The following TUB variants were observed in gnomAD, a reference collection of about 807,000 sequenced individuals.
TUB encodes the protein TUB bipartite transcription factor, also known as tubby protein homolog.
Under a neutral mutation model 59.7 loss-of-function variants are expected in TUB, and 33 were observed. The observed-to-expected ratio is 0.55, with a 90% CI of 0.42 to 0.74. The LOEUF (loss-of-function observed/expected upper bound fraction) is 0.74, where lower values mean the gene tolerates loss of function less well. TUB is among the 30% of genes least tolerant of loss of function. The pLI is 0.00. For missense variants in TUB, 659 were observed against 672.0 expected (o/e 0.98, Z 0.21); for synonymous variants, 293 against 256.4 (o/e 1.14, Z -1.36).
intron 10 of TUB, 103 bp from the exon 11 acceptor site, chr11:8,100,723 G>A (rs1022653186): frequency 3.8e-6 from 6 of 1,558,916 alleles, no homozygotes; most frequent in South Asian, 1.1e-5. Flanking sequence ...AGCCCTGGAG[G>A]TCTAGGGAAA....
At chr11:8,045,068 T>G (rs1444320935) in intron 2 of TUB, among the ~76,000 whole-genome samples, 1 of 151,118 alleles carries the variant, frequency 6.6e-6, no homozygotes, top group African/African-American at 2.5e-5. Flanking sequence ...CATTGGTGAG[T>G]GAACTCAATC....
chr11:8,082,276 C>T lies in TUB; in HGVS notation c.38+728C>T, dbSNP rs1943584191. On this transcript the variant is annotated intron_variant, in intron 1 of 11. Coordinates refer to ENST00000299506, the MANE Select transcript of TUB (RefSeq NM_177972.3). Reference sequence around the variant, plus strand: ...CACATGCAGAAAGGCACTCAAGAATCCAGGCACACTCAGGGAAGCCCCCCA... The same window carrying T: ...CACATGCAGAAAGGCACTCAAGAATTCAGGCACACTCAGGGAAGCCCCCCA... 2.6e-5 allele frequency among the ~76,000 whole-genome samples: 4 copies of T among 152,342 alleles called. 1 individual carries two copies. In the South Asian group the frequency reaches 8.3e-4, roughly 32 times the overall value.
chr11:8,100,559 C>A lies in TUB; in HGVS notation c.1173C>A (p.Gly391=). Residue 391 remains glycine (G), a synonymous_variant, in exon 10 of 12, where the codon GGC becomes GGA. Coordinates refer to ENST00000299506, the MANE Select transcript of TUB (RefSeq NM_177972.3). Reference sequence around the variant, plus strand: ...GGAAGATGAGCGTGATTGTCCCAGGCATGAACATGGTTCATGAGAGAGTCT... The same window carrying A: ...GGAAGATGAGCGTGATTGTCCCAGGAATGAACATGGTTCATGAGAGAGTCT... ...GPRKMSVIVP[G]MNMVHERVSI... is the part of the protein sequence containing the mutation. 1 of 1,614,178 alleles carries A rather than the reference C, an allele frequency of 6.2e-7. No homozygotes were observed. The highest frequency in any genetic ancestry group is 8.5e-7 in the Non-Finnish European group (1 of 1,180,032).
intron 1 of TUB, among the ~76,000 whole-genome samples, chr11:8,033,426 A>G (rs907225298): frequency 2.0e-5 from 3 of 152,210 alleles, no homozygotes; most frequent in Admixed American, 1.3e-4. Context: ...GCCCAGTTTC[A>G]GCCTGAAGAT....
chr11:8,084,786 T>C lies in TUB; in HGVS notation c.38+3238T>C, dbSNP rs143446876. Among the ~76,000 whole-genome samples the C allele has an allele frequency of 2.0e-5, 3 of 152,324 alleles. No individual in the cohort carries two copies. In the East Asian group the frequency reaches 5.8e-4, roughly 29 times the overall value. ...CTGGGTTCTAAGCACACCTGAGGGA[T>C]ACAGTACTCTCACATCACCATGGGA... On this transcript the variant is annotated intron_variant, in intron 1 of 11. Transcript: ENST00000299506.
intron 1 of TUB, among the ~76,000 whole-genome samples, chr11:8,026,059 C>T (rs1942496154): frequency 1.3e-5 from 2 of 152,196 alleles, no homozygotes; most frequent in African/African-American, 4.8e-5. Context: ...GCCTTGATGA[C>T]TAATGATGTC....
intron 1 of TUB, among the ~76,000 whole-genome samples, chr11:8,088,309 A>C (rs965772497): frequency 6.6e-6 from 1 of 152,122 alleles, no homozygotes; most frequent in African/African-American, 2.4e-5. Context: ...TGGAGGTGCA[A>C]GTAGTTGAAG....
intron 1 of TUB, among the ~76,000 whole-genome samples, chr11:8,028,500 G>C (rs1373442288): frequency 1.3e-5 from 2 of 152,082 alleles, no homozygotes; most frequent in Non-Finnish European, 2.9e-5. Flanking sequence ...AGAATCCATT[G>C]CCAAATCCAG....
At chr11:8,036,829 G>A (rs1002130991), upstream of TUB, among the ~76,000 whole-genome samples, 1 of 152,170 alleles carries the variant, frequency 6.6e-6, no homozygotes, top group African/African-American at 2.4e-5. Context: ...CGGGCCCCAT[G>A]GTCCAGCCTT....
intron 11 of TUB, 147 bp downstream of exon 11, chr11:8,101,144 C>T (rs1200009308): frequency 4.9e-6 from 5 of 1,015,282 alleles, no homozygotes; most frequent in African/African-American, 1.6e-5. Context: ...AACTTTCTAA[C>T]CCTAATGACT....
At chr11:8,065,206 T>C (rs950610181) in intron 2 of TUB, among the ~76,000 whole-genome samples, 5 of 152,190 alleles carry the variant, frequency 3.3e-5, no homozygotes, top group African/African-American at 1.2e-4. Context: ...TGCATGTTGC[T>C]GGGGTAGCAG....
intron 1 of TUB, among the ~76,000 whole-genome samples, chr11:8,019,792 G>A (rs1391444626): frequency 1.3e-5 from 2 of 151,846 alleles, no homozygotes; most frequent in Admixed American, 1.3e-4. Context: ...GCGCCCCGCC[G>A]GCCCTCCGCA....
chr11:8,020,405 G>A (rs1053344253), intron 1 of TUB, among the ~76,000 whole-genome samples: 14 of 152,224 alleles, frequency 9.2e-5, no homozygotes, highest in Non-Finnish European at 1.5e-4. Context: ...CCTAGATTCA[G>A]AGGAACAGGT....
At chr11:8,095,061 T>G (rs2133860088) in intron 4 of TUB, among the ~76,000 whole-genome samples, 1 of 152,320 alleles carries the variant, frequency 6.6e-6, no homozygotes, top group Non-Finnish European at 1.5e-5. Context: ...ATGATGTATG[T>G]GAGTTACTGC....
At chr11:8,078,442 T>C (rs1033470629), upstream of TUB, among the ~76,000 whole-genome samples, 6 of 152,096 alleles carry the variant, frequency 3.9e-5, no homozygotes, top group African/African-American at 1.4e-4. Flanking sequence ...TATAGTGCAG[T>C]TGTAAAAATA....
intron 1 of TUB, chr11:8,019,422 G>A: frequency 1.6e-6 from 2 of 1,225,036 alleles, no homozygotes; most frequent in Non-Finnish European, 2.0e-6. Context: ...TGCGGGAGAA[G>A]CGGGCCTCCG....
chr11:8,103,088 C>G lies in TUB; in HGVS notation c.*1469C>G, dbSNP rs777558593. 1 of 152,216 alleles carries G rather than the reference C, an allele frequency of 6.6e-6. No individual in the cohort carries two copies. Among genetic ancestry groups the G allele is most frequent in the Non-Finnish European group, 1.5e-5 (1 of 68,074 alleles). The allele number at this position is 152,216 out of a possible 1,614,324, so 9.4% of individuals were successfully genotyped here. Reference sequence around the variant, plus strand: ...AGGATTGGCCTGTGTCTGGCCCCTCCGCGAGGGCTACTCAGCAGTAAGCAG... The same window carrying G: ...AGGATTGGCCTGTGTCTGGCCCCTCGGCGAGGGCTACTCAGCAGTAAGCAG... On this transcript the variant is annotated 3_prime_UTR_variant, in exon 12 of 12. Transcript: ENST00000299506.
chr11:8,097,583 G>T, intron 7 of TUB, 131 bp from the exon 8 acceptor site: 2 of 1,313,942 alleles, frequency 1.5e-6, no homozygotes, highest in Non-Finnish European at 1.1e-6. Context: ...GTGTTTTCCA[G>T]TGCATTTGTG....
chr11:8,091,497 G>A (rs895107478), intron 3 of TUB, among the ~76,000 whole-genome samples: 1 of 152,208 alleles, frequency 6.6e-6, no homozygotes, highest in Non-Finnish European at 1.5e-5. Context: ...TGGGCTCTGA[G>A]GGGCTCAGTG....
Sources: gnomAD v4.1 joint callset for allele counts (sites outside exome capture counted in the v4.1 genomes callset) on GRCh38, gnomAD v4.1.1 for gene constraint, MANE v1.5 for transcripts, NCBI Gene and HGNC (gene_info 2026-07-23, HGNC 2026-07-21) for gene names.